PCDHGA9: variants seen among roughly 807,000 people sequenced by gnomAD.
The protein encoded by PCDHGA9 is protocadherin gamma-A9.
PCDHGA9 carries 37 observed loss-of-function variants against 62.5 expected under a neutral mutation model. The ratio of observed to expected loss-of-function variants is 0.59; its 90% CI spans 0.46 to 0.78. The LOEUF (loss-of-function observed/expected upper bound fraction) is 0.78, where lower values mean the gene tolerates loss of function less well. Ranked by LOEUF, PCDHGA9 falls within the 30% of genes least tolerant of loss-of-function variation. The pLI, the probability that PCDHGA9 is intolerant of heterozygous loss-of-function variation, is 0.00. For missense variants in PCDHGA9, 1,138 were observed against 1,166.2 expected, an observed-to-expected ratio of 0.98 and a Z score of 0.35; for synonymous variants, 459 against 484.6, an observed-to-expected ratio of 0.95 and a Z score of 0.69.
chr5:141,469,005 G>A (rs1011079995), intron 1 of PCDHGA9, among the ~76,000 whole-genome samples: 7 of 151,814 alleles, frequency 4.6e-5, no homozygotes, highest in South Asian at 2.1e-4. Context: ...TGCTGGGTGC[G>A]GTGGGTCACT....
intron 1 of PCDHGA9, chr5:141,423,750 TGGGGGG>T: frequency 3.5e-6 from 1 of 287,482 alleles, no homozygotes; most frequent in Non-Finnish European, 4.5e-6. Flanking sequence ...GAAAACTGTT[TGGGGGG>T]GGGGTGGGGC....
In PCDHGA9 at chr5:141,487,087, C is replaced by G. The variant is rs752261507; in HGVS notation, c.2425-7720C>G. 1.2e-6 allele frequency: 2 copies of G among 1,613,890 alleles called. No homozygotes were observed. Among genetic ancestry groups the G allele is most frequent in the Non-Finnish European group, 1.7e-6 (2 of 1,179,804 alleles). ...CGGCTGTTCCTATCCCAGCTGACCT[C>G]CCACCACAGAAGCTGGTCATTGTGG... On this transcript the variant is annotated intron_variant, in intron 1 of 3. Transcript: ENST00000573521. The surrounding 1 kb of genome is among the most constrained non-coding windows in gnomAD (Gnocchi z 5.0).
At chr5:141,413,181 C>T in intron 1 of PCDHGA9, 8 of 1,602,880 alleles carry the variant, frequency 5.0e-6, no homozygotes, top group Non-Finnish European at 6.8e-6. Context: ...CTACAATGGC[C>T]GCTCAAAGGA....
Position 141,485,365 on chromosome 5 carries a change from G to A in PCDHGA9, c.2425-9442G>A. 1 of 1,614,120 alleles carries A rather than the reference G, an allele frequency of 6.2e-7. No homozygotes were observed. Among genetic ancestry groups the A allele is most frequent in the Admixed American group, 1.7e-5 (1 of 60,018 alleles). ...CGGACAGTCTGTCAGCTCGCAGGCT[G>A]CAGGTCGCTGGAGAGGTGAACCAAA... On this transcript the variant is annotated intron_variant, in intron 1 of 3. Transcript: ENST00000573521. The surrounding 1 kb of genome is among the most constrained non-coding windows in gnomAD (Gnocchi z 5.7).
chr5:141,441,565 C>T (rs1049476318), intron 1 of PCDHGA9: 62 of 200,838 alleles, frequency 3.1e-4, no homozygotes, highest in African/African-American at 1.4e-3. Context: ...CAAGTAGACA[C>T]CTCCAACCTA....
intron 1 of PCDHGA9, chr5:141,419,897 A>G: frequency 1.2e-6 from 2 of 1,613,960 alleles, no homozygotes; most frequent in African/African-American, 2.7e-5. Flanking sequence ...CGACCATCCC[A>G]CACCCTCTGA....
chr5:141,506,380 TG>T (rs2099852860), intron 3 of PCDHGA9, among the ~76,000 whole-genome samples: 1 of 141,314 alleles, frequency 7.1e-6, no homozygotes, highest in Non-Finnish European at 1.5e-5. Flanking sequence ...ACCTGGGAGG[TG>T]GCTGTGGTGA....
intron 1 of PCDHGA9, among the ~76,000 whole-genome samples, chr5:141,453,623 T>C (rs1264665094): frequency 1.3e-5 from 2 of 152,238 alleles, no homozygotes; most frequent in Admixed American, 1.3e-4. Flanking sequence ...AAACAAAACC[T>C]ATACATATTT....
At chr5:141,466,515 TTTTCCTCCCAAATTGA>T (rs2099124043) in intron 1 of PCDHGA9, among the ~76,000 whole-genome samples, 1 of 152,232 alleles carries the variant, frequency 6.6e-6, no homozygotes, top group Admixed American at 6.5e-5. Context: ...AGATCATTTT[TTTTCCTCCCAAATTGA>T]TGTAGATGGT....
rs1345224043 is a variant in PCDHGA9, at chr5:141,487,695, C to G, written c.2425-7112C>G. Reference sequence around the variant, plus strand: ...TGGCTAGGCCATGTCCTAGAGAGTACTGGCCTCTCAGTAAGTGCCCATAGT... The same window carrying G: ...TGGCTAGGCCATGTCCTAGAGAGTAGTGGCCTCTCAGTAAGTGCCCATAGT... On this transcript the variant is annotated intron_variant, in intron 1 of 3. Transcript: ENST00000573521. The surrounding 1 kb of genome is among the most constrained non-coding windows in gnomAD (Gnocchi z 5.0). 1 of 1,601,306 alleles carries G rather than the reference C, an allele frequency of 6.2e-7. No individual in the cohort carries two copies.
intron 1 of PCDHGA9, chr5:141,440,709 A>C (rs1351127132): frequency 1.3e-5 from 2 of 152,216 alleles, no homozygotes; most frequent in Non-Finnish European, 2.9e-5. Context: ...GTGGAAAGAC[A>C]TATGTTGATC....
In PCDHGA9 at chr5:141,432,976, C is replaced by T; in HGVS notation, c.2424+27600C>T. 1 of 1,614,210 alleles carries T rather than the reference C, an allele frequency of 6.2e-7. No individual in the cohort carries two copies. On this transcript the variant is annotated intron_variant, in intron 1 of 3. Transcript: ENST00000573521. The surrounding 1 kb of genome is among the most constrained non-coding windows in gnomAD (Gnocchi z 6.0). Reference sequence around the variant, plus strand: ...GCTTGACAGGAGCGCCGGCGTCGCACTTTGTGGGCGTGGACGGGGTGCAGG... The same window carrying T: ...GCTTGACAGGAGCGCCGGCGTCGCATTTTGTGGGCGTGGACGGGGTGCAGG...
intron 1 of PCDHGA9, among the ~76,000 whole-genome samples, chr5:141,465,031 C>T (rs933448980): frequency 1.3e-5 from 2 of 151,958 alleles, no homozygotes; most frequent in Non-Finnish European, 1.5e-5. Context: ...CATGAACCAC[C>T]ACAAATGACC....
intron 1 of PCDHGA9, among the ~76,000 whole-genome samples, chr5:141,442,700 TA>T (rs2098337605): frequency 6.6e-6 from 1 of 152,198 alleles, no homozygotes; most frequent in Non-Finnish European, 1.5e-5. Flanking sequence ...CAGACAAGAG[TA>T]TCAGACATGC....
rs780836649 is a variant in PCDHGA9 at position 141,414,681 on chromosome 5, G to C, written c.2424+9305G>C. 38 of 1,613,836 alleles carry C rather than the reference G, an allele frequency of 2.4e-5. 1 individual carries two copies. The East Asian group carries it at 8.5e-4, about 36-fold the overall frequency. ...CCCTGGCTGAAGACACCATCCAGGG[G>C]GTACCTCTGTCCTCATACATATCCA... On this transcript the variant is annotated intron_variant, in intron 1 of 3. Coordinates refer to ENST00000573521, the MANE Select transcript of PCDHGA9 (RefSeq NM_018921.3).
At position 141,511,940 on chromosome 5, in the gene PCDHGA9, G is replaced by A. The variant is rs2099884015; in HGVS notation, c.*767G>A. 1 of 154,118 alleles carries A rather than the reference G, an allele frequency of 6.5e-6. No homozygotes were observed. The highest frequency in any genetic ancestry group is 1.9e-4 in the East Asian group (1 of 5,214). 9.5% of individuals were successfully genotyped at this position (154,118 alleles called of 1,614,324 possible). ...TCCACTGCATGTTCCAAGACAGTAT[G>A]GGGTGGTAAGATAAGGAAGGGAAGT... On this transcript the variant is annotated 3_prime_UTR_variant, in exon 4 of 4. Coordinates refer to ENST00000573521, the MANE Select transcript of PCDHGA9 (RefSeq NM_018921.3).
intron 1 of PCDHGA9, chr5:141,422,754 C>T: frequency 1.2e-6 from 2 of 1,612,450 alleles, no homozygotes; most frequent in Non-Finnish European, 1.7e-6. Flanking sequence ...TCTCTATTAA[C>T]TCCAACACTG....
rs771858105 is a variant in PCDHGA9 at position 141,428,074 on chromosome 5, G to A, written c.2424+22698G>A. 4.4e-6 allele frequency: 7 copies of A among 1,609,112 alleles called. No homozygotes were observed. The African/African-American group carries it at 5.3e-5, about 12-fold the overall frequency. On this transcript the variant is annotated intron_variant, in intron 1 of 3. Transcript: ENST00000573521. The stretch of plus-strand genomic sequence containing the variant: ...GTGGTGGCGGTGGACGCAGATTCGG[G>A]ACACAACGCTTGGCTGTCCTACCAC...
intron 1 of PCDHGA9, chr5:141,422,008 C>T (rs767148055): frequency 1.2e-5 from 20 of 1,609,502 alleles, no homozygotes; most frequent in Admixed American, 5.1e-5. Context: ...CTCCGGAACT[C>T]GGGTGCTGAT....
Sources: gnomAD v4.1 joint callset for allele counts (sites outside exome capture counted in the v4.1 genomes callset) on GRCh38, gnomAD v4.1.1 for gene constraint, Gnocchi (gnomAD v3.1) non-coding constraint, MANE v1.5 for transcripts, NCBI Gene and HGNC (gene_info 2026-07-23, HGNC 2026-07-21) for gene names.